The following SLC35F6 variants were observed in gnomAD, a reference collection of about 807,000 sequenced individuals.
SLC35F6 encodes the protein solute carrier family 35 member F6.
SLC35F6 carries 26 observed loss-of-function variants against 29.4 expected under a neutral mutation model. The observed-to-expected ratio is 0.89, with a 90% CI of 0.65 to 1.23. The LOEUF is 1.23. Among genes scored for constraint, SLC35F6 ranks in the 50% most tolerant of loss-of-function variants. The pLI is 0.00. For missense variants in SLC35F6, 428 were observed against 487.8 expected (o/e 0.88, Z 1.15); for synonymous variants, 174 against 206.6 (o/e 0.84, Z 1.35).
chr2:26,770,429 CGTT>C (rs949785219), intron 1 of SLC35F6, among the ~76,000 whole-genome samples: 5 of 152,014 alleles, frequency 3.3e-5, no homozygotes, highest in African/African-American at 7.2e-5. Context: ...AAAAAACAAA[CGTT>C]GTTGGCCGGA....
chr2:26,764,447 G>C (rs1664057554), intron 1 of SLC35F6, 21 bp downstream of exon 1: 3 of 1,550,562 alleles, frequency 1.9e-6, no homozygotes, highest in African/African-American at 2.7e-5. Flanking sequence ...GCCCTGCCGG[G>C]CGTGCGGGCC....
chr2:26,765,029 C>T (rs1473521599), intron 1 of SLC35F6: 4 of 981,986 alleles, frequency 4.1e-6, no homozygotes, highest in South Asian at 9.4e-5. Flanking sequence ...CAGAAAAGTG[C>T]TTTTGAGCTG....
intron 1 of SLC35F6, chr2:26,764,812 T>G: frequency 1.0e-6 from 1 of 985,220 alleles, no homozygotes; most frequent in African/African-American, 1.7e-5. Context: ...GCAGGCCGAG[T>G]GACCCAGTGA....
In SLC35F6 at chr2:26,778,230, G is replaced by T. The variant is rs774327484; in HGVS notation, c.835G>T (p.Ala279Ser). The change falls in exon 6 of 6, where the codon GCA (alanine) becomes TCA (serine). Residue 279 changes from alanine to serine, a missense_variant. By Grantham distance (99) the Ala-to-Ser change is moderately conservative. Transcript: ENST00000344420. ...CAGCAGCATTGCCTTCTTCAACTTC[G>T]CAGGCATCAGCGTCACCAAGGAACT... Reference protein sequence around the residue: ...NISSIAFFNFAGISVTKELSA... With the variant: ...NISSIAFFNFSGISVTKELSA... The T allele has an allele frequency of 6.2e-7, 1 of 1,614,138 alleles. No individual in the cohort carries two copies. Among genetic ancestry groups the T allele is most frequent in the South Asian group, 1.1e-5 (1 of 91,084 alleles).
chr2:26,767,864 T>A (rs1034863876), intron 1 of SLC35F6, among the ~76,000 whole-genome samples: 2 of 152,054 alleles, frequency 1.3e-5, no homozygotes, highest in African/African-American at 4.8e-5. Context: ...TAATAAATAA[T>A]TAATTAATAG....
chr2:26,777,727 G>A (rs1476061614), intron 5 of SLC35F6, among the ~76,000 whole-genome samples: 1 of 143,030 alleles, frequency 7.0e-6, no homozygotes, highest in East Asian at 1.9e-4. Context: ...TATACTGTAA[G>A]GGTAATGTTT....
rs1252453811 is a variant in SLC35F6, at chr2:26,775,412, C to T, written c.323-52C>T. The T allele has an allele frequency of 2.5e-6, 4 of 1,588,740 alleles. No homozygotes were observed. In the East Asian group the frequency reaches 9.0e-5, roughly 36 times the overall value. ...TCTATCACCAAAGACCCCTTAGTGA[C>T]AGATGGCCTTCGCCTTGGGAAGCTA... On this transcript the variant is annotated intron_variant, in intron 3 of 5. Transcript: ENST00000344420. The surrounding 1 kb of genome is among the most constrained non-coding windows in gnomAD (Gnocchi z 4.6).
chr2:26,767,603 G>T (rs182991331), intron 1 of SLC35F6, among the ~76,000 whole-genome samples: 1 of 152,258 alleles, frequency 6.6e-6, no homozygotes, highest in Non-Finnish European at 1.5e-5. Flanking sequence ...AGCACCTTCT[G>T]TCGATCATCT....
At chr2:26,777,743 AGTGTGTGT>A (rs34163276) in intron 5 of SLC35F6, among the ~76,000 whole-genome samples, 2 of 150,242 alleles carry the variant, frequency 1.3e-5, no homozygotes, top group South Asian at 4.2e-4. Flanking sequence ...TGTTTTTATG[AGTGTGTGT>A]GTGTGTGTGT....
At chr2:26,771,217 A>T (rs1251781581) in intron 1 of SLC35F6, among the ~76,000 whole-genome samples, 1 of 152,224 alleles carries the variant, frequency 6.6e-6, no homozygotes, top group Admixed American at 6.5e-5. Context: ...GGTTTCCCCT[A>T]TGGACCAACT....
At chr2:26,765,556 G>A (rs970246846) in intron 1 of SLC35F6, among the ~76,000 whole-genome samples, 1 of 152,242 alleles carries the variant, frequency 6.6e-6, no homozygotes, top group African/African-American at 2.4e-5. Context: ...TGTAAGGGAA[G>A]GGGACAGAAG....
chr2:26,769,379 T>C (rs1297783900), intron 1 of SLC35F6, among the ~76,000 whole-genome samples: 1 of 152,166 alleles, frequency 6.6e-6, no homozygotes, highest in African/African-American at 2.4e-5. Context: ...GGAGGTCATC[T>C]CCCCTAGAAT....
At chr2:26,767,836 G>A (rs1448674106) in intron 1 of SLC35F6, among the ~76,000 whole-genome samples, 1 of 152,092 alleles carries the variant, frequency 6.6e-6, no homozygotes, top group Non-Finnish European at 1.5e-5. Flanking sequence ...GGGAGACCTC[G>A]TTCTCTACAA....
At chr2:26,768,345 A>T (rs1223162049) in intron 1 of SLC35F6, among the ~76,000 whole-genome samples, 1 of 148,910 alleles carries the variant, frequency 6.7e-6, no homozygotes, top group African/African-American at 2.5e-5. Context: ...GACACTGAAG[A>T]TCTACTGAGG....
At chr2:26,770,632 C>G (rs148207542) in intron 1 of SLC35F6, among the ~76,000 whole-genome samples, 167 of 152,044 alleles carry the variant, frequency 1.1e-3, no homozygotes, top group African/African-American at 3.9e-3. Flanking sequence ...GCAGGAGAAT[C>G]ACTTGAACCT....
Position 26,775,639 on chromosome 2 carries a change from G to T in SLC35F6, c.498G>T (p.Lys166Asn). ...VVVGLADLLSKHDSQHKLSEV... is the reference protein window; with the variant it reads ...VVVGLADLLSNHDSQHKLSEV... ...TGGGCCTGGCTGACCTCCTGAGCAA[G>T]CACGACAGTCAGCACAAGCTCAGCG... Residue 166 changes from lysine to asparagine, a missense_variant, in exon 4 of 6, where the codon AAG (lysine) becomes AAT (asparagine). Physicochemically the swap from Lys to Asn is moderately conservative, Grantham distance 94. Transcript: ENST00000344420. The surrounding 1 kb of genome is among the most constrained non-coding windows in gnomAD (Gnocchi z 4.6). The T allele has an allele frequency of 6.3e-7, 1 of 1,599,842 alleles. No homozygotes were observed. Among genetic ancestry groups the T allele is most frequent in the Non-Finnish European group, 8.5e-7 (1 of 1,175,900 alleles).
At chr2:26,767,845 AAATAAT>A (rs1195399587) in intron 1 of SLC35F6, among the ~76,000 whole-genome samples, 11 of 152,140 alleles carry the variant, frequency 7.2e-5, no homozygotes, top group Non-Finnish European at 1.6e-4. Flanking sequence ...CGTTCTCTAC[AAATAAT>A]AATAATAAAT....
intron 1 of SLC35F6, among the ~76,000 whole-genome samples, chr2:26,771,660 A>G (rs948785166): frequency 6.6e-6 from 1 of 152,180 alleles, no homozygotes; most frequent in Non-Finnish European, 1.5e-5. Context: ...CCAAGAGCCA[A>G]CAGCATATCA....
In SLC35F6 at chr2:26,764,330, G is replaced by C. The variant is rs1359299024; in HGVS notation, c.-20G>C. On this transcript the variant is annotated 5_prime_UTR_variant, in exon 1 of 6. Transcript: ENST00000344420. ...GGGGCCCGGCGCCGCTAACTGGAGC[G>C]AACCCCAGCGTCCGCCGACATGGCC... is the stretch of plus-strand genomic sequence containing the variant. The C allele has an allele frequency of 1.3e-6, 2 of 1,549,076 alleles. No homozygotes were observed. The highest frequency in any genetic ancestry group is 2.4e-5 in the South Asian group (2 of 84,028).
Sources: gnomAD v4.1 joint callset for allele counts (sites outside exome capture counted in the v4.1 genomes callset) on GRCh38, gnomAD v4.1.1 for gene constraint, Gnocchi (gnomAD v3.1) non-coding constraint, MANE v1.5 for transcripts, NCBI Gene and HGNC (gene_info 2026-07-23, HGNC 2026-07-21) for gene names.